The following MYO10 variants were observed in gnomAD, a reference collection of about 807,000 sequenced individuals.
MYO10 encodes the protein myosin X.
MYO10 carries 133 observed loss-of-function variants against 257.3 expected under a neutral mutation model. The ratio of observed to expected loss-of-function variants is 0.52; its 90% confidence interval spans 0.45 to 0.60. The LOEUF (loss-of-function observed/expected upper bound fraction) is 0.60, where lower values mean the gene tolerates loss of function less well. MYO10 is among the 20% of genes least tolerant of loss of function. MYO10 has a pLI of 0.00. For synonymous variants in MYO10, 1,104 were observed against 1,028.6 expected, an observed-to-expected ratio of 1.07 and a Z score of -1.40; for missense variants, 2,399 against 2,635.7, an observed-to-expected ratio of 0.91 and a Z score of 1.97.
At chr5:16,751,334 C>T (rs1465687194) in intron 19 of MYO10, among the ~76,000 whole-genome samples, 7 of 152,044 alleles carry the variant, frequency 4.6e-5, no homozygotes, top group South Asian at 2.1e-4. Flanking sequence ...GGTGACAGTC[C>T]GATATTTCCA....
chr5:16,685,288 G>A (rs1199322423), intron 29 of MYO10, among the ~76,000 whole-genome samples: 1 of 152,074 alleles, frequency 6.6e-6, no homozygotes, highest in Non-Finnish European at 1.5e-5. Flanking sequence ...ATAGCTCACT[G>A]TAGCCTCGAA....
intron 18 of MYO10, among the ~76,000 whole-genome samples, chr5:16,755,400 C>T (rs1346045024): frequency 2.6e-5 from 4 of 152,306 alleles, no homozygotes; most frequent in East Asian, 1.9e-4. Flanking sequence ...CTCCTGACTT[C>T]GTGATCCACC....
At chr5:16,872,578 T>C (rs926516497) in intron 2 of MYO10, among the ~76,000 whole-genome samples, 35 of 152,196 alleles carry the variant, frequency 2.3e-4, no homozygotes, top group Non-Finnish European at 4.4e-5. Flanking sequence ...AAGGAAAACA[T>C]CTTTGGGATT....
chr5:16,847,237 AAC>A, intron 2 of MYO10, among the ~76,000 whole-genome samples: 1 of 152,174 alleles, frequency 6.6e-6, no homozygotes, highest in East Asian at 1.9e-4. Flanking sequence ...CATCCTGGCT[AAC>A]ACAGTGAAAC....
At chr5:16,705,429 T>A (rs1431025842) in intron 21 of MYO10, among the ~76,000 whole-genome samples, 1 of 152,234 alleles carries the variant, frequency 6.6e-6, no homozygotes, top group Admixed American at 6.5e-5. Context: ...ATTGGCACTT[T>A]GTATTAGAAT....
intron 38 of MYO10, 82 bp from the exon 39 acceptor site, chr5:16,671,060 T>C (rs932567398): frequency 3.1e-6 from 4 of 1,273,662 alleles, no homozygotes; most frequent in South Asian, 1.5e-5. Context: ...CCTCACTTCA[T>C]GAGGGTTTCT....
chr5:16,789,224 G>C (rs114770877), intron 4 of MYO10, among the ~76,000 whole-genome samples: 184 of 152,354 alleles, frequency 1.2e-3, no homozygotes, highest in African/African-American at 4.3e-3. Flanking sequence ...TACAAGGGCA[G>C]AGTTGATTAG....
chr5:16,846,437 T>G (rs1743637257), intron 2 of MYO10, among the ~76,000 whole-genome samples: 2 of 152,226 alleles, frequency 1.3e-5, no homozygotes, highest in African/African-American at 4.8e-5. Flanking sequence ...GGCTAACACC[T>G]GGGCCCGCAA....
intron 9 of MYO10, among the ~76,000 whole-genome samples, chr5:16,778,979 C>G (rs1019355446): frequency 6.6e-6 from 1 of 152,064 alleles, no homozygotes; most frequent in Admixed American, 6.6e-5. Flanking sequence ...CATGAGCCAC[C>G]GCGCCTGGCC....
At chr5:16,749,401 C>T (rs1302452790) in intron 19 of MYO10, among the ~76,000 whole-genome samples, 5 of 151,398 alleles carry the variant, frequency 3.3e-5, no homozygotes, top group African/African-American at 4.9e-5. Context: ...GCAGGAGAAT[C>T]GCTTGAACCC....
chr5:16,701,977 C>A lies in MYO10; in HGVS notation c.2557-139G>T. The A allele has an allele frequency of 1.0e-6, 1 of 958,094 alleles. No individual in the cohort carries two copies. Among genetic ancestry groups the A allele is most frequent in the East Asian group, 2.6e-5 (1 of 37,996 alleles). 59.3% of individuals were successfully genotyped at this position (958,094 alleles called of 1,614,324 possible). A position where few individuals can be genotyped will look rare whatever the true frequency, so the allele number is the denominator to read the frequency against. On this transcript the variant is annotated intron_variant, in intron 24 of 40. Transcript: ENST00000513610. The surrounding 1 kb of genome is among the most constrained non-coding windows in gnomAD (Gnocchi z 8.1). The stretch of plus-strand genomic sequence containing the variant: ...TAAAGTCTATAGGTTGAAGTCCTAA[C>A]CCCAATACTGCAGAATGTGACTGCA...
intron 29 of MYO10, among the ~76,000 whole-genome samples, chr5:16,684,826 T>C (rs1458789358): frequency 6.6e-6 from 1 of 152,124 alleles, no homozygotes; most frequent in East Asian, 1.9e-4. Flanking sequence ...GCATGTGGAT[T>C]GCCTGAGCTC....
chr5:16,816,551 T>G (rs1441060996), intron 3 of MYO10, among the ~76,000 whole-genome samples: 7 of 151,318 alleles, frequency 4.6e-5, no homozygotes, highest in Admixed American at 4.6e-4. Context: ...TTTTTTTTTT[T>G]GAGATGGAGT....
intron 2 of MYO10, among the ~76,000 whole-genome samples, chr5:16,821,880 G>A (rs1440885598): frequency 6.7e-6 from 1 of 150,254 alleles, no homozygotes; most frequent in Non-Finnish European, 1.5e-5. Context: ...CATGACGGGA[G>A]ACAATCGCTA....
intron 19 of MYO10, among the ~76,000 whole-genome samples, chr5:16,722,760 C>T (rs1739199419): frequency 1.3e-5 from 2 of 152,262 alleles, no homozygotes; most frequent in South Asian, 4.1e-4. Flanking sequence ...AGGAAATAAT[C>T]TAGGTGGCTT....
chr5:16,841,118 C>T (rs1743467203), intron 2 of MYO10, among the ~76,000 whole-genome samples: 1 of 149,650 alleles, frequency 6.7e-6, no homozygotes, highest in Non-Finnish European at 1.5e-5. Context: ...GCACTCCAGC[C>T]TGGGCAACAA....
At chr5:16,916,047 T>G (rs899999006) in intron 1 of MYO10, 10 of 456,058 alleles carry the variant, frequency 2.2e-5, no homozygotes, top group African/African-American at 1.6e-4. Flanking sequence ...TCAAAGCATG[T>G]CGCTTACCAG....
chr5:16,879,974 T>C (rs192847718), intron 1 of MYO10, among the ~76,000 whole-genome samples: 96 of 152,162 alleles, frequency 6.3e-4, no homozygotes, highest in African/African-American at 2.2e-3. Context: ...GGTCAGGAGT[T>C]TGAGACCAGC....
chr5:16,895,707 C>G (rs576211750), intron 1 of MYO10, among the ~76,000 whole-genome samples: 2 of 151,008 alleles, frequency 1.3e-5, no homozygotes, highest in Admixed American at 1.3e-4. Context: ...TCCATCCTTC[C>G]CAAATACTCT....
Sources: allele counts gnomAD v4.1 joint callset (sites outside exome capture counted in the v4.1 genomes callset), GRCh38; gene constraint gnomAD v4.1.1; non-coding constraint Gnocchi (gnomAD v3.1); transcripts MANE v1.5; gene names NCBI Gene and HGNC (gene_info 2026-07-23, HGNC 2026-07-21).